The following TRPM3 variants were observed in gnomAD, a reference collection of about 807,000 sequenced individuals.
TRPM3 encodes transient receptor potential cation channel subfamily M member 3, also known as long transient receptor potential channel 3.
Under a neutral mutation model 181.2 loss-of-function variants are expected in TRPM3, and 77 were observed. The ratio of observed to expected loss-of-function variants is 0.42; its 90% CI spans 0.35 to 0.51. The LOEUF (loss-of-function observed/expected upper bound fraction) is 0.51, where lower values mean the gene tolerates loss of function less well. TRPM3 is among the 20% of genes least tolerant of loss of function. The pLI is 0.01. For synonymous variants in TRPM3, 745 were observed against 796.4 expected (o/e 0.94, Z 1.09); for missense variants, 1,759 against 2,196.7 (o/e 0.80, Z 3.98).
At chr9:70,573,385 T>G (rs940975483) in intron 22 of TRPM3, among the ~76,000 whole-genome samples, 1 of 152,230 alleles carries the variant, frequency 6.6e-6, no homozygotes. Flanking sequence ...CAAAAATTTG[T>G]GTATTTAAAT....
At chr9:70,895,296 T>A (rs760871509) in intron 1 of TRPM3, among the ~76,000 whole-genome samples, 1 of 152,230 alleles carries the variant, frequency 6.6e-6, no homozygotes, top group African/African-American at 2.4e-5. Context: ...ATTCTTAATA[T>A]TTTCTACAAC....
chr9:70,774,083 C>T (rs1421814979), intron 7 of TRPM3: 2 of 152,226 alleles, frequency 1.3e-5, no homozygotes, highest in Admixed American at 6.5e-5. Context: ...CATATTAATA[C>T]ATCATTCCAG....
chr9:70,906,182 GGAA>G (rs1332364546), intron 1 of TRPM3, among the ~76,000 whole-genome samples: 2 of 151,812 alleles, frequency 1.3e-5, no homozygotes, highest in African/African-American at 4.8e-5. Context: ...TATAAATAGG[GGAA>G]GAAGTTTTGT....
At chr9:70,597,240 T>G (rs1219606966) in intron 21 of TRPM3, among the ~76,000 whole-genome samples, 3 of 152,064 alleles carry the variant, frequency 2.0e-5, no homozygotes, top group Non-Finnish European at 4.4e-5. Context: ...GCCCTAATTT[T>G]TCATTAGTTT....
At chr9:71,023,978 CAAAT>C (rs1012112531) in intron 1 of TRPM3, among the ~76,000 whole-genome samples, 6 of 152,064 alleles carry the variant, frequency 3.9e-5, no homozygotes, top group Admixed American at 6.6e-5. Context: ...AATACACACA[CAAAT>C]GAATGTAAGT....
intron 1 of TRPM3, among the ~76,000 whole-genome samples, chr9:71,188,594 G>C (rs547504074): frequency 6.6e-6 from 1 of 151,824 alleles, no homozygotes; most frequent in Admixed American, 6.6e-5. Flanking sequence ...TTGGGAGACA[G>C]GGTTTTAGAC....
At chr9:71,108,864 T>A (rs747739809) in intron 1 of TRPM3, among the ~76,000 whole-genome samples, 8 of 152,242 alleles carry the variant, frequency 5.3e-5, no homozygotes, top group Non-Finnish European at 8.8e-5. Flanking sequence ...TGTCAACTTC[T>A]CTGGGCTGTG....
intron 1 of TRPM3, among the ~76,000 whole-genome samples, chr9:71,274,727 A>G (rs1453628359): frequency 6.6e-6 from 1 of 152,248 alleles, no homozygotes; most frequent in Non-Finnish European, 1.5e-5. Flanking sequence ...GCTTTCGTCT[A>G]CAAACTCATG....
At chr9:71,158,941 T>C (rs2076137761) in intron 1 of TRPM3, among the ~76,000 whole-genome samples, 1 of 152,032 alleles carries the variant, frequency 6.6e-6, no homozygotes, top group Non-Finnish European at 1.5e-5. Context: ...GCCCTCTTGA[T>C]TCTCAGGCTT....
intron 1 of TRPM3, among the ~76,000 whole-genome samples, chr9:70,964,794 C>G (rs2097170305): frequency 6.6e-6 from 1 of 152,046 alleles, no homozygotes; most frequent in Non-Finnish European, 1.5e-5. Context: ...GTGTCTAGTT[C>G]TATTTCAGCA....
At chr9:71,437,294 A>G (rs970509298) in intron 1 of TRPM3, among the ~76,000 whole-genome samples, 3 of 152,360 alleles carry the variant, frequency 2.0e-5, no homozygotes, top group African/African-American at 7.2e-5. Flanking sequence ...CAAATAAAAT[A>G]ATGGATCTTG....
At position 70,689,844 on chromosome 9, in the gene TRPM3, G is replaced by A. The variant is rs138969287; in HGVS notation, c.1273-8266C>T. ...TGGTTCATTTTCTGGGAAAAAAATA[G>A]GCATATTCACCACCTAAATAACAAG... On this transcript the variant is annotated intron_variant, in intron 8 of 25. Coordinates refer to ENST00000677713, the MANE Select transcript of TRPM3 (RefSeq NM_001366145.2). Among the ~76,000 whole-genome samples the A allele has an allele frequency of 1.9e-3, 287 of 152,192 alleles. 8 individuals are homozygous for A. In the East Asian group the frequency reaches 0.052, roughly 28 times the overall value.
intron 1 of TRPM3, among the ~76,000 whole-genome samples, chr9:71,424,529 C>A (rs975148191): frequency 4.3e-4 from 65 of 152,106 alleles, no homozygotes; most frequent in African/African-American, 1.6e-3. Context: ...TAAGACAGAT[C>A]TAGTCAGTTG....
chr9:70,691,464 T>C (rs1456500934), intron 8 of TRPM3, among the ~76,000 whole-genome samples: 1 of 152,210 alleles, frequency 6.6e-6, no homozygotes, highest in African/African-American at 2.4e-5. Context: ...GATTGTCTTA[T>C]AGATTCAAGC....
intron 8 of TRPM3, among the ~76,000 whole-genome samples, chr9:70,690,641 T>A (rs1376410737): frequency 6.6e-6 from 1 of 152,186 alleles, no homozygotes; most frequent in Non-Finnish European, 1.5e-5. Context: ...CAGCTTAGCA[T>A]AATGTTTCCT....
At chr9:71,387,788 CA>C (rs2092961248) in intron 1 of TRPM3, among the ~76,000 whole-genome samples, 1 of 152,046 alleles carries the variant, frequency 6.6e-6, no homozygotes, top group Middle Eastern at 3.4e-3. Context: ...AATTTTAAAC[CA>C]AAATACTATC....
At chr9:71,341,936 T>C (rs1175532164) in intron 1 of TRPM3, among the ~76,000 whole-genome samples, 2 of 151,626 alleles carry the variant, frequency 1.3e-5, no homozygotes, top group Non-Finnish European at 2.9e-5. Flanking sequence ...AGAGCTAATC[T>C]CCCTAAAGTG....
rs190548769 is a variant in TRPM3 at position 71,230,505 on chromosome 9, G to A, written c.183+216148C>T. Among the ~76,000 whole-genome samples the A allele has an allele frequency of 1.4e-4, 21 of 152,186 alleles. No homozygotes were observed. In the East Asian group the frequency reaches 3.1e-3, roughly 22 times the overall value. On this transcript the variant is annotated intron_variant, in intron 1 of 24. Coordinates refer to the TRPM3 transcript ENST00000357533. ...ATAACACAAAGAATAAATGCTTGAGGTGGTGAATACTCCATTTACCCTGAT... is the reference window on the plus strand; with the variant it reads ...ATAACACAAAGAATAAATGCTTGAGATGGTGAATACTCCATTTACCCTGAT...
chr9:71,263,005 A>G (rs901768117), intron 1 of TRPM3, among the ~76,000 whole-genome samples: 1 of 152,132 alleles, frequency 6.6e-6, no homozygotes, highest in Non-Finnish European at 1.5e-5. Context: ...ACTGTATTTG[A>G]TTATCTAATA....
Sources: gnomAD v4.1 joint callset for allele counts (sites outside exome capture counted in the v4.1 genomes callset) on GRCh38, gnomAD v4.1.1 for gene constraint, MANE v1.5 for transcripts, NCBI Gene and HGNC (gene_info 2026-07-23, HGNC 2026-07-21) for gene names.